EZH1: variants seen among roughly 807,000 people sequenced by gnomAD.
The protein encoded by EZH1 is histone-lysine N-methyltransferase EZH1.
EZH1 carries 33 observed loss-of-function variants against 100.5 expected under a neutral mutation model. The observed-to-expected ratio is 0.33, with a 90% confidence interval of 0.25 to 0.44. The LOEUF is 0.44. Among genes scored for constraint, EZH1 ranks in the 20% least tolerant of loss-of-function variants. EZH1 has a pLI of 1.00. For missense variants in EZH1, 475 were observed against 928.4 expected, an observed-to-expected ratio of 0.51 and a Z score of 6.35; for synonymous variants, 272 against 313.8, an observed-to-expected ratio of 0.87 and a Z score of 1.41.
rs1041295992 is a variant in EZH1 at position 42,701,948 on chromosome 17, T to C, written c.*584A>G. On this transcript the variant is annotated 3_prime_UTR_variant, in exon 21 of 21. Transcript: ENST00000428826. ...GAATGCCTGTACTTAGAACCCACAC[T>C]CTTTCAGTTTGAGCCCTGCCACGAG... The C allele has an allele frequency of 2.0e-5, 3 of 152,366 alleles. No homozygotes were observed. The highest frequency in any genetic ancestry group is 7.2e-5 in the African/African-American group (3 of 41,420). 9.4% of individuals were successfully genotyped at this position (152,366 alleles called of 1,614,324 possible).
At chr17:42,704,003 C>T (rs1329761548) in intron 18 of EZH1, among the ~76,000 whole-genome samples, 183 bp from the exon 19 acceptor site, 3 of 152,176 alleles carry the variant, frequency 2.0e-5, no homozygotes, top group East Asian at 3.8e-4. Flanking sequence ...TGTGTGGGAG[C>T]ACTCCCTTTG....
chr17:42,711,239 C>T (rs896968231), intron 12 of EZH1, among the ~76,000 whole-genome samples: 17 of 151,330 alleles, frequency 1.1e-4, no homozygotes, highest in Admixed American at 9.2e-4. Context: ...TTTGGGAGGC[C>T]GAGGCGGGTG....
chr17:42,737,137 C>T (rs913964072), intron 1 of EZH1, among the ~76,000 whole-genome samples: 2 of 152,090 alleles, frequency 1.3e-5, no homozygotes, highest in African/African-American at 4.8e-5. Flanking sequence ...AGGCACATGC[C>T]ACCGCGCCGA....
At chr17:42,729,513 G>A (rs2053895421) in intron 2 of EZH1, among the ~76,000 whole-genome samples, 1 of 151,450 alleles carries the variant, frequency 6.6e-6, no homozygotes, top group Admixed American at 6.6e-5. Flanking sequence ...TGGATCTTCT[G>A]AGGTCAGTAG....
At position 42,724,350 on chromosome 17, in the gene EZH1, C is replaced by G; in HGVS notation, c.321G>C (p.Leu107Phe). The part of the protein sequence containing the change: ...MLMRSLNTVA[L>F]VPIMYSWSPL... The stretch of plus-strand genomic sequence containing the variant: ...GGGACCAGGAATACATGATGGGAAC[C>G]AATGCAACTGTGTTCAGTGACCTCA... The change falls in exon 5 of 21, where the codon TTG becomes TTC. Residue 107 changes from leucine to phenylalanine, a missense_variant. Around this residue, in one of 8 missense-constraint regions of EZH1, gnomAD observed 105 missense variants for 129.8 expected, o/e 0.81. Transcript: ENST00000428826. The G allele has an allele frequency of 2.5e-6, 4 of 1,613,954 alleles. No homozygotes were observed. The highest frequency in any genetic ancestry group is 3.4e-6 in the Non-Finnish European group (4 of 1,179,964).
At chr17:42,730,044 AAAAC>A (rs1242224958) in intron 2 of EZH1, among the ~76,000 whole-genome samples, 1 of 152,122 alleles carries the variant, frequency 6.6e-6, no homozygotes, top group South Asian at 2.1e-4. Flanking sequence ...TCTCAAAACA[AAAAC>A]AAAAGACAAA....
chr17:42,726,299 A>G (rs566346227), intron 4 of EZH1, among the ~76,000 whole-genome samples: 4 of 147,522 alleles, frequency 2.7e-5, no homozygotes, highest in Non-Finnish European at 4.4e-5. Flanking sequence ...TCTTGGGTTC[A>G]AGTGATTCTC....
chr17:42,743,790 C>T (rs1346291413), intron 1 of EZH1, among the ~76,000 whole-genome samples: 1 of 152,080 alleles, frequency 6.6e-6, no homozygotes, highest in Non-Finnish European at 1.5e-5. Flanking sequence ...CTAACACACA[C>T]TCTCTCCTAT....
chr17:42,724,796 GA>G (rs1010462515), intron 4 of EZH1, among the ~76,000 whole-genome samples: 3 of 149,648 alleles, frequency 2.0e-5, no homozygotes, highest in Admixed American at 6.7e-5. Flanking sequence ...AAAAAAAAGA[GA>G]AAAAAAATGA....
chr17:42,708,230 G>T, intron 14 of EZH1, 147 bp from the exon 15 acceptor site: 1 of 931,568 alleles, frequency 1.1e-6, no homozygotes, highest in Non-Finnish European at 1.6e-6. Flanking sequence ...AGAAGACAGG[G>T]ATGACCGTTG....
At position 42,722,928 on chromosome 17, in the gene EZH1, C is replaced by T; in HGVS notation, c.367-13G>A. On this transcript the variant is annotated splice_polypyrimidine_tract_variant and intron_variant, in intron 5 of 20. Coordinates refer to ENST00000428826, the MANE Select transcript of EZH1 (RefSeq NM_001991.5). Reference sequence around the variant, plus strand: ...TCTCATCTTCTACCTGAAACCAAACCAGATGTGATTTATTCCATGAAGCCA... The same window carrying T: ...TCTCATCTTCTACCTGAAACCAAACTAGATGTGATTTATTCCATGAAGCCA... The T allele has an allele frequency of 6.2e-7, 1 of 1,611,496 alleles. No homozygotes were observed. The highest frequency in any genetic ancestry group is 8.5e-7 in the Non-Finnish European group (1 of 1,178,996).
intron 19 of EZH1, 192 bp from the exon 20 acceptor site, chr17:42,703,153 T>G: frequency 1.7e-6 from 1 of 574,634 alleles, no homozygotes; most frequent in Non-Finnish European, 3.1e-6. Context: ...TTTATTATTA[T>G]TATAAGTGGG....
chr17:42,720,203 C>A (rs911591691), intron 7 of EZH1, 70 bp downstream of exon 7: 1 of 1,513,082 alleles, frequency 6.6e-7, no homozygotes, highest in South Asian at 1.3e-5. Context: ...GGCAACAAAT[C>A]TTTCCAGTTC....
Position 42,713,298 on chromosome 17 carries a change from C to A in EZH1, c.1115G>T (p.Cys372Phe). Residue 372 changes from cysteine (C) to phenylalanine (F), a missense_variant, in exon 11 of 21, where the codon TGC becomes TTC. Physicochemically the swap from Cys to Phe is radical, Grantham distance 205. Coordinates refer to ENST00000428826, the MANE Select transcript of EZH1 (RefSeq NM_001991.5). ...RRRHHIVSAS[C>F]SNASASAVAE... ...CACAGCAGAGGCTGAGGCATTGGAG[C>A]AGGAAGCACTGACTATGTGGTGCCT... The A allele has an allele frequency of 7.4e-6, 12 of 1,613,984 alleles. No individual in the cohort carries two copies. The highest frequency in any genetic ancestry group is 9.3e-6 in the Non-Finnish European group (11 of 1,179,912).
At chr17:42,732,050 T>C (rs977003937) in intron 1 of EZH1, among the ~76,000 whole-genome samples, 3 of 151,698 alleles carry the variant, frequency 2.0e-5, no homozygotes, top group African/African-American at 7.3e-5. Flanking sequence ...GCCCAGGAGA[T>C]TGAGGCCACA....
intron 3 of EZH1, among the ~76,000 whole-genome samples, chr17:42,728,236 C>G (rs2053863722): frequency 6.6e-6 from 1 of 151,182 alleles, no homozygotes; most frequent in African/African-American, 2.4e-5. Flanking sequence ...GCCTCAGCCT[C>G]CCAAGTAGCC....
Position 42,717,916 on chromosome 17 carries a change from C to T in EZH1, c.1023+60G>A. On this transcript the variant is annotated intron_variant, in intron 10 of 20. Coordinates refer to ENST00000428826, the MANE Select transcript of EZH1 (RefSeq NM_001991.5). The stretch of plus-strand genomic sequence containing the variant: ...TGACCCCCAGAGTGCTGTGTACTGG[C>T]TCACGTGGCTTGTGTTCCCAGAATG... 3 of 1,473,120 alleles carry T rather than the reference C, an allele frequency of 2.0e-6. No individual in the cohort carries two copies. In the East Asian group the frequency reaches 6.8e-5, roughly 33 times the overall value. 91.3% of individuals were successfully genotyped at this position (1,473,120 alleles called of 1,614,324 possible).
chr17:42,727,788 A>G, intron 3 of EZH1, 25 bp from the exon 4 acceptor site: 4 of 1,485,134 alleles, frequency 2.7e-6, no homozygotes, highest in Non-Finnish European at 3.6e-6. Context: ...GAAAAGATTA[A>G]GATATATTGT....
intron 2 of EZH1, 137 bp from the exon 3 acceptor site, chr17:42,729,089 C>A: frequency 1.2e-6 from 1 of 845,420 alleles, no homozygotes; most frequent in Non-Finnish European, 1.7e-6. Flanking sequence ...TTAAAGAACC[C>A]AAATGTGTGA....
Sources: gnomAD v4.1 joint callset for allele counts (sites outside exome capture counted in the v4.1 genomes callset) on GRCh38, gnomAD v4.1.1 for gene constraint, gnomAD v4.1.1 regional missense constraint, MANE v1.5 for transcripts, NCBI Gene and HGNC (gene_info 2026-07-23, HGNC 2026-07-21) for gene names.